Variants in ARHGAP22 observed in about 807,000 individuals in gnomAD.
ARHGAP22 encodes Rho GTPase activating protein 22.
ARHGAP22 carries 48 observed loss-of-function variants against 59.1 expected under a neutral mutation model. That is an observed-to-expected ratio of 0.81 (90% CI 0.64 to 1.03). The LOEUF (loss-of-function observed/expected upper bound fraction) is 1.03, where lower values mean the gene tolerates loss of function less well. ARHGAP22 is among the 50% of genes least tolerant of loss of function. The probability of loss-of-function intolerance (pLI) is 0.00; values close to 1 mark genes in which losing one functional copy is unlikely to be tolerated. For synonymous variants in ARHGAP22, 445 were observed against 416.4 expected (o/e 1.07, Z -0.84); for missense variants, 1,015 against 958.7 (o/e 1.06, Z -0.78).
chr10:48,602,656 G>A (rs746150285), intron 1 of ARHGAP22, among the ~76,000 whole-genome samples: 2 of 152,158 alleles, frequency 1.3e-5, no homozygotes, highest in Non-Finnish European at 2.9e-5. Flanking sequence ...AACACAGGTT[G>A]AGTGTCCACC....
chr10:48,494,087 A>G (rs1400857918), intron 3 of ARHGAP22, among the ~76,000 whole-genome samples: 1 of 152,172 alleles, frequency 6.6e-6, no homozygotes, highest in Non-Finnish European at 1.5e-5. Context: ...ATGGAATGAG[A>G]CCAAGAAGCC....
chr10:48,631,663 T>C (rs952891533), intron 1 of ARHGAP22, among the ~76,000 whole-genome samples: 12 of 152,302 alleles, frequency 7.9e-5, no homozygotes, highest in Non-Finnish European at 1.5e-4. Context: ...AGTTCCTCCA[T>C]CCTGTTCCTT....
intron 3 of ARHGAP22, among the ~76,000 whole-genome samples, chr10:48,534,949 C>G (rs951019684): frequency 6.6e-6 from 1 of 152,208 alleles, no homozygotes; most frequent in Non-Finnish European, 1.5e-5. Context: ...GCTCCCAGCA[C>G]CCCCATGCTA....
chr10:48,524,207 G>A, intron 3 of ARHGAP22: 1 of 796,216 alleles, frequency 1.3e-6, no homozygotes, highest in Non-Finnish European at 1.5e-6. Context: ...GCCCAGCTGG[G>A]CGCAGGGTGC....
chr10:48,568,577 T>G (rs932919279), intron 2 of ARHGAP22, among the ~76,000 whole-genome samples: 2 of 152,210 alleles, frequency 1.3e-5, no homozygotes, highest in African/African-American at 4.8e-5. Context: ...GCTGAGCCTC[T>G]CCAGAGGGAG....
chr10:48,522,531 C>T (rs2053900535), intron 3 of ARHGAP22, among the ~76,000 whole-genome samples: 1 of 152,228 alleles, frequency 6.6e-6, no homozygotes, highest in Non-Finnish European at 1.5e-5. Flanking sequence ...TTGGGACACT[C>T]TTTACCATGT....
intron 1 of ARHGAP22, among the ~76,000 whole-genome samples, chr10:48,626,265 C>T (rs551032172): frequency 7.9e-5 from 12 of 152,226 alleles, no homozygotes; most frequent in African/African-American, 2.4e-4. Context: ...ACCAGGAGCC[C>T]GGCATGGAAA....
intron 1 of ARHGAP22, among the ~76,000 whole-genome samples, chr10:48,641,390 G>A (rs1479464622): frequency 6.6e-6 from 1 of 152,112 alleles, no homozygotes; most frequent in Non-Finnish European, 1.5e-5. Flanking sequence ...GAAAAAGAAT[G>A]GAAAAATATA....
At position 48,652,406 on chromosome 10, in the gene ARHGAP22, A is replaced by G. The variant is rs2062603811; in HGVS notation, c.-121T>C. The G allele has an allele frequency of 3.7e-6, 3 of 818,660 alleles. No homozygotes were observed. The South Asian group carries it at 4.7e-5, about 13-fold the overall frequency. 50.7% of individuals were successfully genotyped at this position (818,660 alleles called of 1,614,324 possible). ...AACAGGAGATCCACATCTATAGAAA[A>G]GAAATATATTTAGAATGCCCTTTAT... On this transcript the variant is annotated 5_prime_UTR_variant, in exon 1 of 10. Transcript: ENST00000435790.
At chr10:48,554,570 T>C (rs2057154731) in intron 3 of ARHGAP22, among the ~76,000 whole-genome samples, 1 of 151,654 alleles carries the variant, frequency 6.6e-6, no homozygotes. Flanking sequence ...TCTGCAACTG[T>C]CCCTGAAGGC....
intron 4 of ARHGAP22, 122 bp downstream of exon 4, chr10:48,479,514 A>G: frequency 6.4e-6 from 10 of 1,556,536 alleles, no homozygotes; most frequent in South Asian, 6.0e-5. Flanking sequence ...TGCTGTGAGA[A>G]GCACAGGATG....
At chr10:48,461,718 A>C (rs2047150106) in intron 4 of ARHGAP22, among the ~76,000 whole-genome samples, 1 of 152,186 alleles carries the variant, frequency 6.6e-6, no homozygotes, top group Non-Finnish European at 1.5e-5. Context: ...TAAGCTCTAC[A>C]AGGTGCGTGC....
intron 3 of ARHGAP22, among the ~76,000 whole-genome samples, chr10:48,487,977 C>T (rs970036166): frequency 4.6e-5 from 7 of 152,158 alleles, no homozygotes; most frequent in African/African-American, 1.4e-4. Context: ...AGTCTGAGCC[C>T]AGGAGTTCCA....
At chr10:48,430,351 C>G in the ARHGAP22 span, 1 of 152,268 alleles carries the variant, frequency 6.6e-6, no homozygotes, top group Non-Finnish European at 1.5e-5. Flanking sequence ...ACCTCGGCCT[C>G]CCAAAGTGCT....
At chr10:48,620,203 A>G (rs2061235118) in intron 1 of ARHGAP22, among the ~76,000 whole-genome samples, 2 of 152,124 alleles carry the variant, frequency 1.3e-5, no homozygotes, top group South Asian at 4.1e-4. Context: ...ATTGGGTTGG[A>G]GCACAGTTGA....
At chr10:48,645,194 G>C (rs764385408) in intron 1 of ARHGAP22, among the ~76,000 whole-genome samples, 1 of 152,026 alleles carries the variant, frequency 6.6e-6, no homozygotes, top group African/African-American at 2.4e-5. Flanking sequence ...CGCCACAGAC[G>C]TATAAATAGG....
At chr10:48,621,292 T>C (rs2061278193) in intron 1 of ARHGAP22, among the ~76,000 whole-genome samples, 1 of 152,228 alleles carries the variant, frequency 6.6e-6, no homozygotes. Flanking sequence ...TTTTGGTTGG[T>C]TTAAACTTGC....
chr10:48,574,474 G>T (rs1306447706), intron 2 of ARHGAP22, among the ~76,000 whole-genome samples: 8 of 152,206 alleles, frequency 5.3e-5, no homozygotes, highest in Non-Finnish European at 1.0e-4. Context: ...CCTCTTGGCT[G>T]GTTTGAGTAA....
chr10:48,467,942 C>T (rs2047878632), intron 4 of ARHGAP22, among the ~76,000 whole-genome samples: 1 of 152,118 alleles, frequency 6.6e-6, no homozygotes. Flanking sequence ...CAGAGCCTGG[C>T]CTAGGGTGAA....
Sources: allele counts gnomAD v4.1 joint callset (sites outside exome capture counted in the v4.1 genomes callset), GRCh38; gene constraint gnomAD v4.1.1; transcripts MANE v1.5; gene names NCBI Gene and HGNC (gene_info 2026-07-23, HGNC 2026-07-21).